Variants in CCDC192 observed in about 807,000 individuals in gnomAD.
The protein encoded by CCDC192 is coiled-coil domain-containing protein 192.
chr5:127,767,333 C>T (rs935268529), intron 3 of CCDC192, among the ~76,000 whole-genome samples: 9 of 152,096 alleles, frequency 5.9e-5, no homozygotes, highest in East Asian at 3.9e-4. Flanking sequence ...GGTAAACTAC[C>T]GTGGGGAGAG....
chr5:127,738,721 A>G (rs969605286), intron 2 of CCDC192, among the ~76,000 whole-genome samples: 3 of 152,184 alleles, frequency 2.0e-5, no homozygotes, highest in Middle Eastern at 3.4e-3. Context: ...AGTTGATCAC[A>G]TCAGCTCCTG....
intron 6 of CCDC192, among the ~76,000 whole-genome samples, chr5:127,935,915 G>A (rs1247478506): frequency 1.4e-4 from 22 of 152,052 alleles, no homozygotes; most frequent in Admixed American, 1.4e-3. Context: ...GACCACCCTG[G>A]TCAACATGGA....
chr5:127,833,256 AT>A (rs1437096324), intron 5 of CCDC192, among the ~76,000 whole-genome samples: 1 of 152,080 alleles, frequency 6.6e-6, no homozygotes, highest in Non-Finnish European at 1.5e-5. Context: ...TATCATTTTT[AT>A]TGTTTGAATT....
At chr5:127,933,773 C>A (rs1489753017) in intron 6 of CCDC192, among the ~76,000 whole-genome samples, 1 of 152,104 alleles carries the variant, frequency 6.6e-6, no homozygotes, top group Non-Finnish European at 1.5e-5. Flanking sequence ...GTCATGAGGG[C>A]AGAGCCCTCA....
intron 6 of CCDC192, among the ~76,000 whole-genome samples, chr5:127,903,444 T>C (rs980427883): frequency 1.3e-5 from 2 of 152,180 alleles, no homozygotes. Flanking sequence ...GGTTTTGCCA[T>C]GTTGGCCAGG....
intron 3 of CCDC192, among the ~76,000 whole-genome samples, chr5:127,767,087 A>G (rs73783970): frequency 3.0e-4 from 46 of 152,298 alleles, no homozygotes; most frequent in African/African-American, 1.0e-3. Context: ...TTTTCCCCAA[A>G]CTGGAAAGTA....
At chr5:127,719,736 A>G (rs892652597) in intron 2 of CCDC192, among the ~76,000 whole-genome samples, 1 of 151,070 alleles carries the variant, frequency 6.6e-6, no homozygotes, top group Non-Finnish European at 1.5e-5. Context: ...TCATGGTTCT[A>G]CAGAAAGCAT....
At chr5:127,858,065 A>G (rs1376362937) in intron 5 of CCDC192, among the ~76,000 whole-genome samples, 1 of 152,338 alleles carries the variant, frequency 6.6e-6, no homozygotes, top group East Asian at 1.9e-4. Context: ...CTATTTCACA[A>G]GGCTGTTGTT....
chr5:127,868,607 G>A (rs1441062029), intron 5 of CCDC192, among the ~76,000 whole-genome samples: 1 of 152,162 alleles, frequency 6.6e-6, no homozygotes, highest in Non-Finnish European at 1.5e-5. Flanking sequence ...GCCTTGGCCA[G>A]GTGTGATGGC....
chr5:127,855,483 GT>G (rs1234228692), intron 5 of CCDC192, among the ~76,000 whole-genome samples: 1 of 152,128 alleles, frequency 6.6e-6, no homozygotes, highest in Non-Finnish European at 1.5e-5. Context: ...ATCCTTGAGG[GT>G]TGGAATCAAT....
intron 5 of CCDC192, among the ~76,000 whole-genome samples, chr5:127,834,994 T>C (rs913766062): frequency 6.6e-6 from 1 of 152,202 alleles, no homozygotes; most frequent in Non-Finnish European, 1.5e-5. Context: ...TCCAAAACAT[T>C]TTCTTTCTCT....
chr5:127,719,524 T>TATATATATATATACACAC lies in CCDC192; in HGVS notation c.114+11765_114+11766insTATATATATATACACACA, dbSNP rs1561444898. On this transcript the variant is annotated intron_variant, in intron 2 of 6. Coordinates refer to ENST00000514853, the MANE Select transcript of CCDC192 (RefSeq NM_001317938.2). ...ACACATACATATATATATATATATATACACACATACATATATATATATATA... is the reference window on the plus strand; with the variant it reads ...ACACATACATATATATATATATATATATATATATATATACACACACACACATACATATATATATATATA... Among the ~76,000 whole-genome samples, 15 of 88,210 alleles carry TATATATATATATACACAC rather than the reference T, an allele frequency of 1.7e-4. No homozygotes were observed. The East Asian group carries it at 2.6e-3, about 15-fold the overall frequency. The allele number at this position is 88,210 out of a possible 152,430, so 57.9% of individuals were successfully genotyped here.
chr5:127,865,652 T>C (rs1038882111), intron 5 of CCDC192, among the ~76,000 whole-genome samples: 2 of 149,686 alleles, frequency 1.3e-5, no homozygotes, highest in Admixed American at 6.7e-5. Context: ...GTGTCATCCA[T>C]ACTAGATCAG....
chr5:127,848,835 A>G (rs532070913), intron 5 of CCDC192, among the ~76,000 whole-genome samples: 13 of 152,320 alleles, frequency 8.5e-5, no homozygotes, highest in Non-Finnish European at 1.6e-4. Flanking sequence ...TTAAATTTGA[A>G]AAGACACTAG....
chr5:127,897,973 AAG>A (rs768093001), intron 6 of CCDC192, among the ~76,000 whole-genome samples: 3 of 152,210 alleles, frequency 2.0e-5, no homozygotes, highest in Non-Finnish European at 4.4e-5. Flanking sequence ...ATCATTGTGA[AAG>A]TGCTCACTTT....
chr5:127,821,923 C>G (rs1749311860), intron 5 of CCDC192, among the ~76,000 whole-genome samples: 1 of 152,184 alleles, frequency 6.6e-6, no homozygotes, highest in African/African-American at 2.4e-5. Context: ...AAATATCTCA[C>G]AAGCTCTATT....
chr5:127,898,730 G>A (rs1240594443), intron 6 of CCDC192, among the ~76,000 whole-genome samples: 2 of 152,114 alleles, frequency 1.3e-5, no homozygotes, highest in African/African-American at 4.8e-5. Context: ...TACCCTTCAT[G>A]CTAAGCAGTG....
At chr5:127,913,889 G>A (rs1196517199) in intron 6 of CCDC192, among the ~76,000 whole-genome samples, 1 of 152,120 alleles carries the variant, frequency 6.6e-6, no homozygotes, top group Non-Finnish European at 1.5e-5. Flanking sequence ...GAGGTAGATG[G>A]AAAAAACAAT....
At chr5:127,912,841 C>T (rs1753414744) in intron 6 of CCDC192, among the ~76,000 whole-genome samples, 3 of 152,152 alleles carry the variant, frequency 2.0e-5, no homozygotes, top group South Asian at 4.1e-4. Context: ...CAGGCTTATA[C>T]CTAATCATAG....
Sources: allele counts gnomAD v4.1 joint callset (sites outside exome capture counted in the v4.1 genomes callset), GRCh38; gene constraint gnomAD v4.1.1; transcripts MANE v1.5; gene names NCBI Gene and HGNC (gene_info 2026-07-23, HGNC 2026-07-21).